Variants in UBE2E2 observed in about 807,000 individuals in gnomAD.
UBE2E2 encodes the protein ubiquitin-conjugating enzyme E2 E2.
A neutral mutation model predicts 24.7 loss-of-function variants in UBE2E2; 6 were observed. That is an observed-to-expected ratio of 0.24 (90% confidence interval 0.13 to 0.48). The LOEUF (loss-of-function observed/expected upper bound fraction) is 0.48, where lower values mean the gene tolerates loss of function less well. Ranked by LOEUF, UBE2E2 falls within the 20% of genes least tolerant of loss-of-function variation. UBE2E2 has a pLI of 0.99. For missense variants in UBE2E2, 169 were observed against 245.0 expected (o/e 0.69, Z 2.07); for synonymous variants, 104 against 83.6 (o/e 1.24, Z -1.33).
In UBE2E2 at chr3:23,474,898, A is replaced by G. The variant is rs1699094870; in HGVS notation, c.228-24710A>G. ...TCCAGACTTCTAGAAACAGAAACAC[A>G]TTGTCTCTCCTTTAATTTTTTTATT... On this transcript the variant is annotated intron_variant, in intron 3 of 5. Transcript: ENST00000396703. The surrounding 1 kb of genome is among the most constrained non-coding windows in gnomAD (Gnocchi z 4.0). Among the ~76,000 whole-genome samples the G allele has an allele frequency of 3.3e-5, 5 of 151,998 alleles. No homozygotes were observed. Among genetic ancestry groups the G allele is most frequent in the South Asian group, 4.2e-4 (2 of 4,812 alleles).
At chr3:23,204,594 A>T (rs1350687350) in intron 1 of UBE2E2, 1 of 737,940 alleles carries the variant, frequency 1.4e-6, no homozygotes, top group Non-Finnish European at 1.7e-6. Context: ...GGCAATTTGG[A>T]TGCTCCTTGG....
chr3:23,321,373 C>G (rs1055054043), intron 3 of UBE2E2, among the ~76,000 whole-genome samples: 1 of 151,930 alleles, frequency 6.6e-6, no homozygotes, highest in Non-Finnish European at 1.5e-5. Flanking sequence ...TTTGTGAAGA[C>G]GATAGAAACT....
intron 5 of UBE2E2, among the ~76,000 whole-genome samples, chr3:23,588,731 C>T (rs1327604430): frequency 6.6e-5 from 10 of 152,132 alleles, no homozygotes; most frequent in East Asian, 1.9e-4. Flanking sequence ...CCTTTCTCCA[C>T]GTTGGGCAAG....
At chr3:23,444,124 A>G (rs916633958) in intron 3 of UBE2E2, among the ~76,000 whole-genome samples, 5 of 113,164 alleles carry the variant, frequency 4.4e-5, no homozygotes, top group African/African-American at 1.8e-4. Context: ...AATATGACTT[A>G]TGTCCCTCAA....
chr3:23,516,479 C>CA (rs1237066205), intron 4 of UBE2E2, among the ~76,000 whole-genome samples: 2 of 151,812 alleles, frequency 1.3e-5, no homozygotes, highest in East Asian at 1.9e-4. Context: ...GTATCTATAA[C>CA]AAAAAAAATC....
intron 3 of UBE2E2, among the ~76,000 whole-genome samples, chr3:23,338,316 T>C (rs1377800626): frequency 6.6e-6 from 1 of 152,162 alleles, no homozygotes; most frequent in Non-Finnish European, 1.5e-5. Context: ...AAGAGTTAAT[T>C]TTTTTAACAT....
intron 3 of UBE2E2, 72 bp downstream of exon 3, chr3:23,217,384 C>T: frequency 7.3e-7 from 1 of 1,361,600 alleles, no homozygotes; most frequent in Non-Finnish European, 1.0e-6. Flanking sequence ...GTTTTATATG[C>T]AGCTGTTGTT....
chr3:23,238,301 C>G (rs1027904872), intron 3 of UBE2E2, among the ~76,000 whole-genome samples: 1 of 152,166 alleles, frequency 6.6e-6, no homozygotes, highest in African/African-American at 2.4e-5. Flanking sequence ...AGATCCGCCA[C>G]TGTGAAATTG....
chr3:23,203,452 A>ACCC lies in UBE2E2; in HGVS notation c.-15_-13dup, dbSNP rs111458483. The stretch of plus-strand genomic sequence containing the variant: ...GCTCGAGCCTGCGACCTGCACGGAC[A>ACCC]CCCCCCCCTCAGGTATTCGCTCGGG... On this transcript the variant is annotated 5_prime_UTR_variant, in exon 1 of 6. Coordinates refer to ENST00000396703, the MANE Select transcript of UBE2E2 (RefSeq NM_152653.4). 1.3e-5 allele frequency: 12 copies of ACCC among 931,072 alleles called. No homozygotes were observed. The African/African-American group carries it at 2.6e-4, about 20-fold the overall frequency. 57.7% of individuals were successfully genotyped at this position (931,072 alleles called of 1,614,324 possible).
intron 3 of UBE2E2, among the ~76,000 whole-genome samples, chr3:23,318,049 T>C (rs1694632216): frequency 6.6e-6 from 1 of 152,088 alleles, no homozygotes; most frequent in South Asian, 2.1e-4. Context: ...ATCTAGGTTT[T>C]AAAAAACAAG....
At chr3:23,481,303 T>C (rs1699254812) in intron 3 of UBE2E2, among the ~76,000 whole-genome samples, 1 of 152,322 alleles carries the variant, frequency 6.6e-6, no homozygotes, top group South Asian at 2.1e-4. Flanking sequence ...AAATGAGTAA[T>C]AGCGTTTTAC....
intron 3 of UBE2E2, among the ~76,000 whole-genome samples, chr3:23,363,136 G>C (rs1696163728): frequency 1.3e-5 from 2 of 152,226 alleles, no homozygotes; most frequent in Non-Finnish European, 2.9e-5. Flanking sequence ...TTTACAAGAT[G>C]TCTTGAAGGG....
intron 3 of UBE2E2, among the ~76,000 whole-genome samples, chr3:23,454,798 G>C (rs576710121): frequency 1.3e-5 from 2 of 152,312 alleles, no homozygotes; most frequent in South Asian, 4.1e-4. Context: ...TAAAATAAAA[G>C]ACTACCTCCT....
rs184583215 is a variant in UBE2E2 at position 23,315,170 on chromosome 3, A to G, written c.227+97858A>G. Among the ~76,000 whole-genome samples, 490 of 152,256 alleles carry G rather than the reference A, an allele frequency of 3.2e-3. 3 individuals carry two copies. Among genetic ancestry groups the G allele is most frequent in the Non-Finnish European group, 5.7e-3 (388 of 68,026 alleles). On this transcript the variant is annotated intron_variant, in intron 3 of 5. Coordinates refer to ENST00000396703, the MANE Select transcript of UBE2E2 (RefSeq NM_152653.4). ...TGAGCTGGCATCAAAACCACAAGAC[A>G]AACTTCTTCCCACTCTTCCCCTCCC...
At position 23,556,357 on chromosome 3, in the gene UBE2E2, G is replaced by A. The variant is rs554886073; in HGVS notation, c.508+23656G>A. Among the ~76,000 whole-genome samples, 8 of 147,066 alleles carry A rather than the reference G, an allele frequency of 5.4e-5. No individual in the cohort carries two copies. In the South Asian group the frequency reaches 8.6e-4, roughly 16 times the overall value. On this transcript the variant is annotated intron_variant, in intron 5 of 5. Coordinates refer to ENST00000396703, the MANE Select transcript of UBE2E2 (RefSeq NM_152653.4). ...ACGGTTTCACCATGTTGGCCAGGAT[G>A]GTCTCAATCTCTTGACCTCATGATC...
intron 4 of UBE2E2, among the ~76,000 whole-genome samples, chr3:23,511,582 A>G (rs1398331320): frequency 1.3e-5 from 2 of 152,162 alleles, no homozygotes; most frequent in African/African-American, 2.4e-5. Context: ...AGAATAAATG[A>G]TCTCACCTAG....
intron 3 of UBE2E2, among the ~76,000 whole-genome samples, chr3:23,411,495 A>C (rs974887192): frequency 6.6e-6 from 1 of 151,994 alleles, no homozygotes; most frequent in African/African-American, 2.4e-5. Context: ...ATAATTCGAG[A>C]CCTCACCTGT....
At chr3:23,442,974 G>T (rs1004722436) in intron 3 of UBE2E2, among the ~76,000 whole-genome samples, 1 of 152,128 alleles carries the variant, frequency 6.6e-6, no homozygotes, top group Non-Finnish European at 1.5e-5. Context: ...TTAACAGCTT[G>T]TATATTAGAT....
At chr3:23,543,560 A>T (rs1012993666) in intron 5 of UBE2E2, among the ~76,000 whole-genome samples, 15 of 149,338 alleles carry the variant, frequency 1.0e-4, no homozygotes, top group South Asian at 4.2e-4. Flanking sequence ...AAAAAAAAAA[A>T]TAATAATAGA....
Sources: gnomAD v4.1 joint callset for allele counts (sites outside exome capture counted in the v4.1 genomes callset) on GRCh38, gnomAD v4.1.1 for gene constraint, Gnocchi (gnomAD v3.1) non-coding constraint, MANE v1.5 for transcripts, NCBI Gene and HGNC (gene_info 2026-07-23, HGNC 2026-07-21) for gene names.